The following RABGEF1 variants were observed in gnomAD, a reference collection of about 807,000 sequenced individuals.
The protein encoded by RABGEF1 is rab5 GDP/GTP exchange factor.
Under a neutral mutation model 57.3 loss-of-function variants are expected in RABGEF1, and 26 were observed. That is an observed-to-expected ratio of 0.45 (90% CI 0.33 to 0.63). RABGEF1 has a LOEUF of 0.63. RABGEF1 is among the 20% of genes least tolerant of loss of function. The pLI is 0.02. For synonymous variants in RABGEF1, 185 were observed against 210.7 expected, an observed-to-expected ratio of 0.88 and a Z score of 1.06; for missense variants, 464 against 607.6, an observed-to-expected ratio of 0.76 and a Z score of 2.48.
chr7:66,733,473 C>CAGATCAGG (rs973157092), intron 2 of RABGEF1, among the ~76,000 whole-genome samples: 1 of 152,000 alleles, frequency 6.6e-6, no homozygotes, highest in African/African-American at 2.4e-5. Flanking sequence ...CTGAAGTGGG[C>CAGATCAGG]AGATCAGGAG....
chr7:66,781,414 A>C lies in RABGEF1; in HGVS notation c.347-2261A>C, dbSNP rs1268990320. Among the ~76,000 whole-genome samples, 4 of 152,190 alleles carry C rather than the reference A, an allele frequency of 2.6e-5. No homozygotes were observed. The East Asian group carries it at 5.8e-4, about 22-fold the overall frequency. On this transcript the variant is annotated intron_variant, in intron 3 of 8. Coordinates refer to ENST00000284957, the MANE Select transcript of RABGEF1 (RefSeq NM_014504.3). ...GTTCTGGGTTACATGTGCAGAATGC[A>C]GTTTTGTTACATAGGTATATACGTG... is the stretch of plus-strand genomic sequence containing the variant.
rs552121762 is a variant in RABGEF1 at position 66,685,392 on chromosome 7, C to T, written c.-873+3134C>T. Among the ~76,000 whole-genome samples the T allele has an allele frequency of 1.2e-4, 18 of 152,148 alleles. No homozygotes were observed. In the East Asian group the frequency reaches 3.1e-3, roughly 26 times the overall value. On this transcript the variant is annotated intron_variant and NMD_transcript_variant, in intron 1 of 9. Coordinates refer to the RABGEF1 transcript ENST00000607882. ...AAGTGAGGCCAGGCATGTTGGCTCA[C>T]GCCTGTAATCCCAGCACTTTCGGAG...
intron 2 of RABGEF1, among the ~76,000 whole-genome samples, chr7:66,713,379 T>C (rs1455555206): frequency 6.6e-6 from 1 of 151,738 alleles, no homozygotes; most frequent in Admixed American, 6.6e-5. Flanking sequence ...CGGCCCGCCT[T>C]GGCCCTCCAA....
chr7:66,719,825 G>A (rs541813198), intron 2 of RABGEF1, among the ~76,000 whole-genome samples: 2 of 152,248 alleles, frequency 1.3e-5, no homozygotes, highest in South Asian at 2.1e-4. Flanking sequence ...TCCTGTTACA[G>A]TAGTAGGGTT....
chr7:66,675,372 G>A, the RABGEF1 span, among the ~76,000 whole-genome samples: 2 of 151,566 alleles, frequency 1.3e-5, no homozygotes, highest in Admixed American at 1.3e-4. Flanking sequence ...GGAGGTTGCA[G>A]TGAGCCAAGA....
At chr7:66,805,452 G>T (rs1198265784) in intron 8 of RABGEF1, 56 bp downstream of exon 8, 5 of 1,599,458 alleles carry the variant, frequency 3.1e-6, no homozygotes, top group Non-Finnish European at 4.3e-6. Flanking sequence ...GGTGGTTTTG[G>T]GGATGTGACA....
At chr7:66,747,056 A>G (rs1800427686) in intron 1 of RABGEF1, among the ~76,000 whole-genome samples, 1 of 152,034 alleles carries the variant, frequency 6.6e-6, no homozygotes, top group African/African-American at 2.4e-5. Flanking sequence ...GGCCTCCCAA[A>G]GTGCTGGGAT....
chr7:66,764,265 A>G (rs769676685), intron 1 of RABGEF1, among the ~76,000 whole-genome samples: 6 of 152,346 alleles, frequency 3.9e-5, no homozygotes, highest in East Asian at 1.9e-4. Context: ...CTGTTTGCAT[A>G]TCTTTCTGGA....
At chr7:66,675,087 G>T in the RABGEF1 span, among the ~76,000 whole-genome samples, 6 of 152,042 alleles carry the variant, frequency 3.9e-5, no homozygotes, top group African/African-American at 1.4e-4. Context: ...GCCCTACTCT[G>T]TGCCAGCGAT....
At chr7:66,758,051 C>T (rs753019247) in intron 1 of RABGEF1, among the ~76,000 whole-genome samples, 8 of 151,954 alleles carry the variant, frequency 5.3e-5, no homozygotes, top group Non-Finnish European at 1.2e-4. Context: ...TCAAAGGATA[C>T]CTTATCGTTT....
chr7:66,698,168 C>T (rs1240514991), intron 1 of RABGEF1, among the ~76,000 whole-genome samples: 4 of 152,108 alleles, frequency 2.6e-5, no homozygotes, highest in Admixed American at 6.6e-5. Context: ...CTGTGCCTCC[C>T]GCATTAGACC....
At chr7:66,805,492 T>A (rs1008485304) in intron 8 of RABGEF1, 96 bp downstream of exon 8, 15 of 1,538,354 alleles carry the variant, frequency 9.8e-6, no homozygotes, top group Non-Finnish European at 1.2e-5. Flanking sequence ...AGGTGAATGC[T>A]TCTGTGTGAG....
intron 1 of RABGEF1, among the ~76,000 whole-genome samples, chr7:66,689,967 C>G (rs543671209): frequency 6.6e-6 from 1 of 152,188 alleles, no homozygotes; most frequent in East Asian, 1.9e-4. Flanking sequence ...CAAACTCTTT[C>G]AAAAACTTGA....
chr7:66,692,482 T>C (rs1192973420), intron 1 of RABGEF1, among the ~76,000 whole-genome samples: 4 of 152,196 alleles, frequency 2.6e-5, no homozygotes, highest in Admixed American at 2.6e-4. Context: ...CCCTGCCAGC[T>C]GTTCCCACCC....
intron 1 of RABGEF1, among the ~76,000 whole-genome samples, chr7:66,749,997 G>T (rs1014832629): frequency 6.6e-6 from 1 of 152,024 alleles, no homozygotes; most frequent in African/African-American, 2.4e-5. Context: ...CAAAACTACA[G>T]AATAATGAAA....
At chr7:66,715,483 G>A (rs559058436) in intron 2 of RABGEF1, among the ~76,000 whole-genome samples, 2 of 152,120 alleles carry the variant, frequency 1.3e-5, no homozygotes, top group South Asian at 4.2e-4. Flanking sequence ...TAATTTGGCG[G>A]CATCGTGTAA....
upstream of RABGEF1, among the ~76,000 whole-genome samples, chr7:66,738,670 T>G (rs1296341352): frequency 1.4e-5 from 2 of 144,448 alleles, no homozygotes; most frequent in African/African-American, 5.1e-5. Context: ...AGTTGGAGGC[T>G]GGAGTGCGCC....
At chr7:66,690,067 A>G (rs1167869809) in intron 1 of RABGEF1, among the ~76,000 whole-genome samples, 3 of 150,996 alleles carry the variant, frequency 2.0e-5, no homozygotes, top group Non-Finnish European at 4.4e-5. Context: ...AAAACAACTG[A>G]TCAATATTGT....
intron 4 of RABGEF1, among the ~76,000 whole-genome samples, chr7:66,792,964 C>T (rs1343850553): frequency 5.3e-5 from 8 of 152,128 alleles, no homozygotes; most frequent in Non-Finnish European, 1.0e-4. Flanking sequence ...AGTTCTTTTA[C>T]ATTATGAAAG....
Sources: gnomAD v4.1 joint callset for allele counts (sites outside exome capture counted in the v4.1 genomes callset) on GRCh38, gnomAD v4.1.1 for gene constraint, MANE v1.5 for transcripts, NCBI Gene and HGNC (gene_info 2026-07-23, HGNC 2026-07-21) for gene names.